Variants in ZDHHC5 observed in about 807,000 individuals in gnomAD.
ZDHHC5 encodes palmitoyltransferase ZDHHC5.
Under a neutral mutation model 70.0 loss-of-function variants are expected in ZDHHC5, and 22 were observed. That is an observed-to-expected ratio of 0.31 (90% CI 0.22 to 0.45). The LOEUF is 0.45. Ranked by LOEUF, ZDHHC5 falls within the 20% of genes least tolerant of loss-of-function variation. ZDHHC5 has a pLI of 1.00. For missense variants in ZDHHC5, 746 were observed against 926.9 expected, an observed-to-expected ratio of 0.80 and a Z score of 2.53; for synonymous variants, 313 against 347.8, an observed-to-expected ratio of 0.90 and a Z score of 1.11.
chr11:57,681,006 A>G (rs1482800336), intron 2 of ZDHHC5, among the ~76,000 whole-genome samples: 2 of 152,244 alleles, frequency 1.3e-5, no homozygotes, highest in African/African-American at 4.8e-5. Context: ...CAAACAGCTA[A>G]TGGATATTTA....
intron 5 of ZDHHC5, 50 bp downstream of exon 5, chr11:57,690,253 G>A: frequency 6.2e-7 from 1 of 1,613,446 alleles, no homozygotes. Flanking sequence ...GGAGGAATGA[G>A]GGCTAAAGGG....
chr11:57,678,119 T>C (rs1427064443), intron 2 of ZDHHC5, among the ~76,000 whole-genome samples: 1 of 152,268 alleles, frequency 6.6e-6, no homozygotes, highest in Admixed American at 6.5e-5. Flanking sequence ...ATGCTAGGCA[T>C]GGGCAGAATG....
Position 57,699,846 on chromosome 11 carries a change from G to T in ZDHHC5, c.1983-20G>T, listed in dbSNP as rs183454851. 3 of 1,614,034 alleles carry T rather than the reference G, an allele frequency of 1.9e-6. No individual in the cohort carries two copies. The highest frequency in any genetic ancestry group is 1.7e-6 in the Non-Finnish European group (2 of 1,179,970). On this transcript the variant is annotated intron_variant, in intron 11 of 11. Coordinates refer to ENST00000287169, the MANE Select transcript of ZDHHC5 (RefSeq NM_015457.3). The stretch of plus-strand genomic sequence containing the variant: ...TTCTGTCCCATTTCCTGACACCTAC[G>T]TCTTGTCTCTTCTTTCCAGAGATGA...
Position 57,672,392 on chromosome 11 carries a change from A to C in ZDHHC5, c.-699A>C. ...AGCTGTTGTCCAGCTTTAGCCATCA[A>C]GAGAGAAATAAATTAAACCACCATT... On this transcript the variant is annotated 5_prime_UTR_variant, in exon 2 of 12. Coordinates refer to ENST00000287169, the MANE Select transcript of ZDHHC5 (RefSeq NM_015457.3). The C allele has an allele frequency of 2.5e-6, 1 of 394,148 alleles. No individual in the cohort carries two copies. Among genetic ancestry groups the C allele is most frequent in the Non-Finnish European group, 4.5e-6 (1 of 223,780 alleles). The allele number at this position is 394,148 out of a possible 1,614,324, so 24.4% of individuals were successfully genotyped here. A position where few individuals can be genotyped will look rare whatever the true frequency, so the allele number is the denominator to read the frequency against.
At position 57,699,278 on chromosome 11, in the gene ZDHHC5, A is replaced by C. The variant is rs1023247441; in HGVS notation, c.1842A>C (p.Leu614=). 1 of 1,614,120 alleles carries C rather than the reference A, an allele frequency of 6.2e-7. No individual in the cohort carries two copies. The highest frequency in any genetic ancestry group is 8.5e-7 in the Non-Finnish European group (1 of 1,180,042). Residue 614 remains leucine (L), a synonymous_variant, in exon 11 of 12, where the codon CTA becomes CTC. Coordinates refer to ENST00000287169, the MANE Select transcript of ZDHHC5 (RefSeq NM_015457.3). ...AVPRFGKPDG[L]RGRGVGSPEP... is the part of the protein sequence containing the mutation. ...CCCGTTTTGGCAAGCCAGATGGGCTAAGGGGCCGGGGAGTAGGGTCCCCTG... is the reference window on the plus strand; with the variant it reads ...CCCGTTTTGGCAAGCCAGATGGGCTCAGGGGCCGGGGAGTAGGGTCCCCTG...
intron 6 of ZDHHC5, among the ~76,000 whole-genome samples, chr11:57,690,807 T>C (rs1946274895): frequency 6.6e-6 from 1 of 152,064 alleles, no homozygotes; most frequent in South Asian, 2.1e-4. Flanking sequence ...ATGAGAACAC[T>C]TGGTCACGGG....
chr11:57,681,750 G>T (rs1349815936), intron 2 of ZDHHC5: 1 of 152,204 alleles, frequency 6.6e-6, no homozygotes, highest in Non-Finnish European at 1.5e-5. Context: ...TCTTTGGTCT[G>T]ATAGTCTCTA....
At chr11:57,696,484 C>A (rs1289719073) in intron 9 of ZDHHC5, among the ~76,000 whole-genome samples, 1 of 150,172 alleles carries the variant, frequency 6.7e-6, no homozygotes, top group Non-Finnish European at 1.5e-5. Flanking sequence ...GGGAGGCCAA[C>A]GCAGGAGGAT....
Position 57,700,094 on chromosome 11 carries a change from C to T in ZDHHC5, c.*63C>T, listed in dbSNP as rs1358077662. ...ACACCAAAGGGCCCCAGGTGGCCACCTTCCTTCCCTCAAGGGGCTCCCCTC... is the reference window on the plus strand; with the variant it reads ...ACACCAAAGGGCCCCAGGTGGCCACTTTCCTTCCCTCAAGGGGCTCCCCTC... On this transcript the variant is annotated 3_prime_UTR_variant, in exon 12 of 12. Coordinates refer to ENST00000287169, the MANE Select transcript of ZDHHC5 (RefSeq NM_015457.3). 1 of 1,505,260 alleles carries T rather than the reference C, an allele frequency of 6.6e-7. No individual in the cohort carries two copies. The highest frequency in any genetic ancestry group is 2.3e-5 in the East Asian group (1 of 43,160). The allele number at this position is 1,505,260 out of a possible 1,614,324, so 93.2% of individuals were successfully genotyped here. A position where few individuals can be genotyped will look rare whatever the true frequency, so the allele number is the denominator to read the frequency against.
chr11:57,689,833 C>G (rs575343289), intron 4 of ZDHHC5, among the ~76,000 whole-genome samples, 198 bp from the exon 5 acceptor site: 1 of 152,142 alleles, frequency 6.6e-6, no homozygotes, highest in Admixed American at 6.5e-5. Context: ...TGCACCACTA[C>G]GCCTGGTTGG....
chr11:57,690,011 C>G lies in ZDHHC5; in HGVS notation c.385-20C>G, dbSNP rs770399474. 40 of 1,612,874 alleles carry G rather than the reference C, an allele frequency of 2.5e-5. No individual in the cohort carries two copies. Among genetic ancestry groups the G allele is most frequent in the Non-Finnish European group, 3.2e-5 (38 of 1,179,294 alleles). Reference sequence around the variant, plus strand: ...GCTATGGTCCAGGGATGCCTCTCATCTGTCTCTCTTTGTCCCTAGGAATTT... The same window carrying G: ...GCTATGGTCCAGGGATGCCTCTCATGTGTCTCTCTTTGTCCCTAGGAATTT... On this transcript the variant is annotated intron_variant, in intron 4 of 11. Transcript: ENST00000287169.
At chr11:57,676,837 C>G (rs1448365269) in intron 2 of ZDHHC5, among the ~76,000 whole-genome samples, 1 of 150,718 alleles carries the variant, frequency 6.6e-6, no homozygotes, top group Non-Finnish European at 1.5e-5. Flanking sequence ...GTGAATTAGT[C>G]CAGTTAAGGT....
intron 1 of ZDHHC5, among the ~76,000 whole-genome samples, chr11:57,671,254 A>G (rs950115666): frequency 2.6e-5 from 4 of 152,178 alleles, no homozygotes; most frequent in African/African-American, 9.7e-5. Flanking sequence ...ACCAGATGAA[A>G]AGCATTTTAT....
chr11:57,696,757 G>A lies in ZDHHC5; in HGVS notation c.1010-4G>A. On this transcript the variant is annotated splice_polypyrimidine_tract_variant and splice_region_variant and intron_variant, in intron 9 of 11. Coordinates refer to ENST00000287169, the MANE Select transcript of ZDHHC5 (RefSeq NM_015457.3). ...TAGTGCCCCCTTGGCCTTTTTTCTTGCAGATAGTAGCTTATTGGCCAAGGA... is the reference window on the plus strand; with the variant it reads ...TAGTGCCCCCTTGGCCTTTTTTCTTACAGATAGTAGCTTATTGGCCAAGGA... 1 of 1,612,448 alleles carries A rather than the reference G, an allele frequency of 6.2e-7. No individual in the cohort carries two copies. Among genetic ancestry groups the A allele is most frequent in the Non-Finnish European group, 8.5e-7 (1 of 1,179,236 alleles).
intron 11 of ZDHHC5, 50 bp from the exon 12 acceptor site, chr11:57,699,816 A>T: frequency 6.2e-7 from 1 of 1,610,092 alleles, no homozygotes; most frequent in Non-Finnish European, 8.5e-7. Context: ...TCCCTTTCCA[A>T]TGTTTTCTGT....
chr11:57,681,908 T>G (rs1456611361), intron 2 of ZDHHC5, among the ~76,000 whole-genome samples: 2 of 152,130 alleles, frequency 1.3e-5, no homozygotes, highest in Non-Finnish European at 2.9e-5. Flanking sequence ...TCCAATGCAA[T>G]GGAGATACTT....
intron 2 of ZDHHC5, among the ~76,000 whole-genome samples, chr11:57,679,841 C>T (rs1442334963): frequency 6.6e-6 from 1 of 152,072 alleles, no homozygotes; most frequent in Non-Finnish European, 1.5e-5. Flanking sequence ...GGGGTGTTCC[C>T]TTATAGTGCT....
At position 57,699,031 on chromosome 11, in the gene ZDHHC5, GTTACGACA is replaced by G. The variant is rs1565199914; in HGVS notation, c.1596_1603del (p.Tyr533SerfsTer26). 2.0e-5 allele frequency: 33 copies of G among 1,610,958 alleles called. No individual in the cohort carries two copies. Among genetic ancestry groups the G allele is most frequent in the Non-Finnish European group, 2.8e-5 (33 of 1,179,988 alleles). Reference sequence around the variant, plus strand: ...ACACACCGAGAGCCCTCACCAGTCCGTTACGACAATCTGTCGCGCCACATTGTGGCCTC... The same window carrying G: ...ACACACCGAGAGCCCTCACCAGTCCGATCTGTCGCGCCACATTGTGGCCTC... On this transcript the variant is annotated frameshift_variant, in exon 11 of 12. Transcript: ENST00000287169. LOFTEE classifies it high-confidence loss of function.
At chr11:57,696,562 A>T (rs111868997) in intron 9 of ZDHHC5, among the ~76,000 whole-genome samples, 199 bp from the exon 10 acceptor site, 32 of 152,170 alleles carry the variant, frequency 2.1e-4, no homozygotes, top group Admixed American at 5.9e-4. Context: ...CAAAAAATTT[A>T]AAAAAGTTAG....
Sources: gnomAD v4.1 joint callset for allele counts (sites outside exome capture counted in the v4.1 genomes callset) on GRCh38, gnomAD v4.1.1 for gene constraint, MANE v1.5 for transcripts, NCBI Gene and HGNC (gene_info 2026-07-23, HGNC 2026-07-21) for gene names.